DLG2: variants seen among roughly 807,000 people sequenced by gnomAD.
DLG2 encodes discs large MAGUK scaffold protein 2.
Under a neutral mutation model 132.5 loss-of-function variants are expected in DLG2, and 45 were observed. The ratio of observed to expected loss-of-function variants is 0.34; its 90% CI spans 0.27 to 0.44. DLG2 has a LOEUF of 0.44. Among genes scored for constraint, DLG2 ranks in the 20% least tolerant of loss-of-function variants. DLG2 has a pLI of 1.00. For synonymous variants in DLG2, 424 were observed against 419.6 expected (o/e 1.01, Z -0.13); for missense variants, 1,045 against 1,196.9 (o/e 0.87, Z 1.87).
chr11:84,230,286 GTTA>G (rs1314794858), intron 8 of DLG2, among the ~76,000 whole-genome samples: 4 of 151,994 alleles, frequency 2.6e-5, no homozygotes, highest in Admixed American at 6.6e-5. Context: ...TTCCTGCTCT[GTTA>G]TTATTCTCTC....
intron 7 of DLG2, among the ~76,000 whole-genome samples, chr11:84,303,970 G>A (rs745989887): frequency 6.6e-6 from 1 of 152,132 alleles, no homozygotes; most frequent in Non-Finnish European, 1.5e-5. Context: ...TTACTGTTAC[G>A]TGCTAAGCAC....
At chr11:83,676,560 G>C (rs1028125721) in intron 18 of DLG2, among the ~76,000 whole-genome samples, 10 of 152,150 alleles carry the variant, frequency 6.6e-5, no homozygotes, top group Admixed American at 3.9e-4. Context: ...ATATGCATGA[G>C]AGCATAGCTT....
At chr11:84,121,186 A>T (rs1344125691) in intron 9 of DLG2, among the ~76,000 whole-genome samples, 1 of 152,224 alleles carries the variant, frequency 6.6e-6, no homozygotes, top group Admixed American at 6.5e-5. Context: ...AGTTTTATAG[A>T]TGGAAAGGAT....
rs149098616 is a variant in DLG2 at position 84,116,864 on chromosome 11, A to G, written c.625-17817T>C. 2.5e-4 allele frequency among the ~76,000 whole-genome samples: 38 copies of G among 152,348 alleles called. 1 individual carries two copies. The East Asian group carries it at 7.3e-3, about 29-fold the overall frequency. ...AACGTGCATTGGCTCCCTACTGCTT[A>G]GGGAATAAAGTCTAAATTTATTAGG... On this transcript the variant is annotated intron_variant, in intron 9 of 27. Coordinates refer to ENST00000376104, the MANE Select transcript of DLG2 (RefSeq NM_001142699.3).
intron 19 of DLG2, among the ~76,000 whole-genome samples, chr11:83,553,889 C>CTTTTTTTTTTTTTTTTTTTTT (rs57434000): frequency 7.0e-6 from 1 of 142,888 alleles, no homozygotes; most frequent in African/African-American, 2.6e-5. Flanking sequence ...ACAATCTTTT[C>CTTTTTTTTTTTTTTTTTTTTT]TTTTTTTTTC....
In DLG2 at chr11:83,684,270, A is replaced by G. The variant is rs74338812; in HGVS notation, c.1826-50945T>C. ...GATCAGAAACTGCTATCTTCAAGGTATGCAGTCAGCATTCCTTGAGAGCCA... is the reference window on the plus strand; with the variant it reads ...GATCAGAAACTGCTATCTTCAAGGTGTGCAGTCAGCATTCCTTGAGAGCCA... On this transcript the variant is annotated intron_variant, in intron 18 of 27. Coordinates refer to ENST00000376104, the MANE Select transcript of DLG2 (RefSeq NM_001142699.3). Among the ~76,000 whole-genome samples the G allele has an allele frequency of 6.3e-3, 955 of 152,192 alleles. 6 individuals carry two copies. Among genetic ancestry groups the G allele is most frequent in the African/African-American group, 0.022 (907 of 41,524 alleles).
chr11:84,333,050 C>A (rs1434412966), intron 7 of DLG2, among the ~76,000 whole-genome samples: 1 of 152,156 alleles, frequency 6.6e-6, no homozygotes, highest in Non-Finnish European at 1.5e-5. Context: ...CATGTTCTAG[C>A]CCACTTTTCA....
intron 15 of DLG2, among the ~76,000 whole-genome samples, chr11:83,898,315 A>C (rs1469150805): frequency 6.6e-6 from 1 of 152,152 alleles, no homozygotes; most frequent in Non-Finnish European, 1.5e-5. Context: ...ATTCAGGTAA[A>C]TATAAGTTTC....
intron 6 of DLG2, among the ~76,000 whole-genome samples, chr11:84,646,839 C>G (rs1398670074): frequency 6.6e-6 from 1 of 152,050 alleles, no homozygotes; most frequent in Non-Finnish European, 1.5e-5. Flanking sequence ...TGTGCTGGAC[C>G]CTGAAATGAA....
At chr11:85,418,144 T>TGTGTC (rs2090016041) in intron 3 of DLG2, among the ~76,000 whole-genome samples, 1 of 150,748 alleles carries the variant, frequency 6.6e-6, no homozygotes, top group Admixed American at 6.6e-5. Flanking sequence ...TACACTTTGT[T>TGTGTC]TTTGTTCTCA....
intron 8 of DLG2, among the ~76,000 whole-genome samples, chr11:84,217,220 T>G (rs926004847): frequency 1.7e-4 from 26 of 152,316 alleles, no homozygotes; most frequent in African/African-American, 6.3e-4. Context: ...ACCATTTATA[T>G]GGGTTGGCTG....
In DLG2 at chr11:84,753,951, C is replaced by T. The variant is rs188108121; in HGVS notation, c.358-219220G>A. The stretch of plus-strand genomic sequence containing the variant: ...GCTGAGAGGTAGAGAAAGATGAGAA[C>T]TAAGAACCGACCAATGCGTTTTGCA... On this transcript the variant is annotated intron_variant, in intron 6 of 27. Transcript: ENST00000376104. 8.5e-5 allele frequency among the ~76,000 whole-genome samples: 13 copies of T among 152,292 alleles called. No individual in the cohort carries two copies. The East Asian group carries it at 2.3e-3, about 27-fold the overall frequency.
intron 7 of DLG2, among the ~76,000 whole-genome samples, chr11:84,490,641 T>C (rs929262774): frequency 7.9e-5 from 10 of 126,156 alleles, no homozygotes; most frequent in Non-Finnish European, 1.4e-4. Flanking sequence ...CACACACACA[T>C]ATATGAGCAA....
intron 6 of DLG2, among the ~76,000 whole-genome samples, chr11:84,990,848 A>G (rs2057019764): frequency 6.6e-6 from 1 of 152,154 alleles, no homozygotes; most frequent in East Asian, 1.9e-4. Context: ...ATGACCATAC[A>G]ACCCAGAAAT....
Position 84,615,818 on chromosome 11 carries a change from T to TAAAAAAAAAAAAAAAAAAAA in DLG2, c.358-81107_358-81088dup, listed in dbSNP as rs559199428. On this transcript the variant is annotated intron_variant, in intron 6 of 27. Transcript: ENST00000376104. ...AGAGAAAATTTCAGGACAAAAACGG[T>TAAAAAAAAAAAAAAAAAAAA]AAAAAAAAAAAAAAAAAAAAAACTT... Among the ~76,000 whole-genome samples the TAAAAAAAAAAAAAAAAAAAA allele has an allele frequency of 2.2e-4, 15 of 67,622 alleles. 1 individual carries two copies. Among genetic ancestry groups the TAAAAAAAAAAAAAAAAAAAA allele is most frequent in the African/African-American group, 8.6e-4 (14 of 16,288 alleles). 44.4% of individuals were successfully genotyped at this position (67,622 alleles called of 152,430 possible). A position where few individuals can be genotyped will look rare whatever the true frequency, so the allele number is the denominator to read the frequency against.
rs373894144 is a variant in DLG2, at chr11:84,142,235, C to T, written c.624+21226G>A. Among the ~76,000 whole-genome samples the T allele has an allele frequency of 1.2e-4, 18 of 148,886 alleles. No individual in the cohort carries two copies. In the East Asian group the frequency reaches 3.4e-3, roughly 28 times the overall value. ...GAGAATCGTTTGAACACAGGAGAATCATTTGAACCCAGGAGGCGGAGGTTG... is the reference window on the plus strand; with the variant it reads ...GAGAATCGTTTGAACACAGGAGAATTATTTGAACCCAGGAGGCGGAGGTTG... On this transcript the variant is annotated intron_variant, in intron 9 of 27. Transcript: ENST00000376104.
intron 15 of DLG2, among the ~76,000 whole-genome samples, chr11:83,895,353 T>A (rs1030216811): frequency 6.6e-6 from 1 of 151,988 alleles, no homozygotes; most frequent in Non-Finnish European, 1.5e-5. Context: ...AGAGAGTGGG[T>A]TTCTCCACGT....
intron 6 of DLG2, among the ~76,000 whole-genome samples, chr11:84,559,688 T>C (rs1372200341): frequency 1.2e-4 from 18 of 152,284 alleles, no homozygotes; most frequent in East Asian, 1.9e-4. Flanking sequence ...CACCATATGC[T>C]GCACTATAAT....
chr11:84,447,271 T>C (rs2099037973), intron 7 of DLG2, among the ~76,000 whole-genome samples: 1 of 152,188 alleles, frequency 6.6e-6, no homozygotes, highest in Non-Finnish European at 1.5e-5. Flanking sequence ...ATAATACATA[T>C]ACACTATTTG....
Sources: allele counts gnomAD v4.1 joint callset (sites outside exome capture counted in the v4.1 genomes callset), GRCh38; gene constraint gnomAD v4.1.1; transcripts MANE v1.5; gene names NCBI Gene and HGNC (gene_info 2026-07-23, HGNC 2026-07-21).